Variants in GALNT13 observed in about 807,000 individuals in gnomAD.
GALNT13 encodes polypeptide N-acetylgalactosaminyltransferase 13, also known as UDP-GalNAc:polypeptide N-acetylgalactosaminyltransferase 13.
A neutral mutation model predicts 64.2 loss-of-function variants in GALNT13; 28 were observed. The observed-to-expected ratio is 0.44, with a 90% confidence interval of 0.32 to 0.60. The LOEUF is 0.60. GALNT13 is among the 20% of genes least tolerant of loss of function. The pLI is 0.05. For missense variants in GALNT13, 577 were observed against 669.8 expected (o/e 0.86, Z 1.53); for synonymous variants, 214 against 224.6 (o/e 0.95, Z 0.42).
At chr2:153,571,462 T>G in the GALNT13 span, among the ~76,000 whole-genome samples, 1 of 152,002 alleles carries the variant, frequency 6.6e-6, no homozygotes, top group African/African-American at 2.4e-5. Flanking sequence ...TGAATTACTC[T>G]TTCTAAAACT....
the GALNT13 span, among the ~76,000 whole-genome samples, chr2:153,212,083 A>G: frequency 1.3e-5 from 2 of 152,224 alleles, no homozygotes; most frequent in Admixed American, 6.5e-5. Context: ...CTGTGTTTAC[A>G]GTGTACTTTT....
chr2:153,588,973 C>G, the GALNT13 span, among the ~76,000 whole-genome samples: 22 of 152,178 alleles, frequency 1.4e-4, no homozygotes, highest in African/African-American at 5.1e-4. Flanking sequence ...TTGAGACCAG[C>G]CTGACCAACA....
chr2:153,412,883 A>G, the GALNT13 span, among the ~76,000 whole-genome samples: 4 of 152,200 alleles, frequency 2.6e-5, no homozygotes, highest in Non-Finnish European at 5.9e-5. Context: ...TACTTTCTCA[A>G]AAGGAGACAT....
chr2:153,935,811 T>G (rs909620761), intron 2 of GALNT13, among the ~76,000 whole-genome samples: 81 of 152,324 alleles, frequency 5.3e-4, no homozygotes, highest in African/African-American at 1.8e-3. Flanking sequence ...GAGCATTAAT[T>G]AACCCATCCT....
At chr2:153,817,070 G>A in the GALNT13 span, among the ~76,000 whole-genome samples, 1 of 152,194 alleles carries the variant, frequency 6.6e-6, no homozygotes, top group Non-Finnish European at 1.5e-5. Context: ...GGCAGAAAGA[G>A]CAACAGTGCA....
At chr2:153,883,376 A>G (rs1686914496) in intron 1 of GALNT13, among the ~76,000 whole-genome samples, 1 of 152,044 alleles carries the variant, frequency 6.6e-6, no homozygotes, top group South Asian at 2.1e-4. Context: ...TAATGAATTG[A>G]GGATAATTAT....
chr2:153,779,426 T>A, the GALNT13 span, among the ~76,000 whole-genome samples: 1 of 152,196 alleles, frequency 6.6e-6, no homozygotes, highest in African/African-American at 2.4e-5. Context: ...CATTTTACAA[T>A]GCACTGTTGT....
chr2:153,328,815 G>T, the GALNT13 span, among the ~76,000 whole-genome samples: 1 of 151,958 alleles, frequency 6.6e-6, no homozygotes, highest in Admixed American at 6.6e-5. Flanking sequence ...TGGAGTGAAT[G>T]GTTCTGTCTT....
the GALNT13 span, among the ~76,000 whole-genome samples, chr2:153,732,373 A>G: frequency 2.0e-5 from 3 of 151,988 alleles, no homozygotes; most frequent in Admixed American, 6.6e-5. Context: ...AGTACTAACA[A>G]TATTAAAAGA....
At chr2:153,322,167 C>A in the GALNT13 span, among the ~76,000 whole-genome samples, 1 of 152,054 alleles carries the variant, frequency 6.6e-6, no homozygotes, top group Non-Finnish European at 1.5e-5. Flanking sequence ...CCCTCCCCAC[C>A]TCTCCACTCT....
intron 3 of GALNT13, among the ~76,000 whole-genome samples, chr2:154,055,069 A>C (rs549926194): frequency 0.015 from 2,217 of 152,082 alleles, 25 homozygotes; most frequent in Non-Finnish European, 0.022. Context: ...TCAAGAATCT[A>C]GGCTCTGTCT....
At chr2:154,030,474 G>T (rs759410770) in intron 3 of GALNT13, among the ~76,000 whole-genome samples, 2 of 152,080 alleles carry the variant, frequency 1.3e-5, no homozygotes, top group South Asian at 2.1e-4. Context: ...ATATAAAAAT[G>T]GGGAGAATTT....
intron 9 of GALNT13, among the ~76,000 whole-genome samples, chr2:154,329,415 C>G (rs1473687938): frequency 1.3e-5 from 2 of 152,108 alleles, no homozygotes; most frequent in Non-Finnish European, 2.9e-5. Context: ...AAATTTTATT[C>G]TTTATGATGT....
chr2:153,609,698 A>G, the GALNT13 span, among the ~76,000 whole-genome samples: 4 of 152,326 alleles, frequency 2.6e-5, no homozygotes, highest in African/African-American at 9.6e-5. Flanking sequence ...GATATAAAAC[A>G]TGATAACAAT....
At chr2:154,192,762 T>TA (rs2105759884) in intron 4 of GALNT13, among the ~76,000 whole-genome samples, 1 of 152,282 alleles carries the variant, frequency 6.6e-6, no homozygotes, top group East Asian at 1.9e-4. Flanking sequence ...GTTTTCAGAG[T>TA]AAAAATCTAA....
chr2:153,442,783 G>T, the GALNT13 span, among the ~76,000 whole-genome samples: 1 of 152,256 alleles, frequency 6.6e-6, no homozygotes, highest in Admixed American at 6.5e-5. Context: ...GACTACAGCG[G>T]TTTTGCTGAG....
At chr2:153,640,603 A>T in the GALNT13 span, among the ~76,000 whole-genome samples, 3 of 151,954 alleles carry the variant, frequency 2.0e-5, no homozygotes, top group Non-Finnish European at 4.4e-5. Context: ...ATATAATGAG[A>T]CCTAATTTTT....
the GALNT13 span, among the ~76,000 whole-genome samples, chr2:153,621,223 G>A: frequency 1.3e-5 from 2 of 152,012 alleles, no homozygotes; most frequent in Non-Finnish European, 2.9e-5. Flanking sequence ...AGTTATCACC[G>A]TGGAACACTT....
chr2:153,705,138 C>A, the GALNT13 span, among the ~76,000 whole-genome samples: 3 of 152,010 alleles, frequency 2.0e-5, no homozygotes, highest in African/African-American at 7.2e-5. Flanking sequence ...AAACTTGTAC[C>A]ATATACATAA....
Sources: gnomAD v4.1 joint callset for allele counts (sites outside exome capture counted in the v4.1 genomes callset) on GRCh38, gnomAD v4.1.1 for gene constraint, MANE v1.5 for transcripts, NCBI Gene and HGNC (gene_info 2026-07-23, HGNC 2026-07-21) for gene names.